Variants in HERC2 observed in about 807,000 individuals in gnomAD.
The protein encoded by HERC2 is HECT and RLD domain containing E3 ubiquitin protein ligase 2, also known as E3 ubiquitin-protein ligase HERC2.
Under a neutral mutation model 537.7 loss-of-function variants are expected in HERC2, and 102 were observed. The ratio of observed to expected loss-of-function variants is 0.19; its 90% CI spans 0.16 to 0.22. The LOEUF (loss-of-function observed/expected upper bound fraction) is 0.22, where lower values mean the gene tolerates loss of function less well. Ranked by LOEUF, HERC2 falls within the 10% of genes least tolerant of loss-of-function variation. The pLI is 1.00. For missense variants in HERC2, 4,236 were observed against 6,198.2 expected (o/e 0.68, Z 10.63); for synonymous variants, 2,224 against 2,466.2 (o/e 0.90, Z 2.91).
intron 79 of HERC2, among the ~76,000 whole-genome samples, chr15:28,133,139 TA>T (rs58617687): frequency 0.034 from 4,649 of 138,660 alleles, 163 homozygotes; most frequent in African/African-American, 0.099. Flanking sequence ...TTAACGGGTT[TA>T]AAAAAAAAAA....
intron 2 of HERC2, among the ~76,000 whole-genome samples, chr15:28,309,481 T>C (rs1008157944): frequency 2.6e-5 from 4 of 152,234 alleles, no homozygotes; most frequent in African/African-American, 7.2e-5. Flanking sequence ...ATAACCACTA[T>C]GCTCTTTTGT....
intron 44 of HERC2, among the ~76,000 whole-genome samples, chr15:28,209,413 G>A (rs1333516983): frequency 2.0e-5 from 3 of 151,514 alleles, no homozygotes; most frequent in Admixed American, 6.6e-5. Flanking sequence ...ACACGATCTC[G>A]CCTCACTGCA....
intron 86 of HERC2, chr15:28,117,967 A>C (rs1888462009): frequency 4.1e-6 from 1 of 241,122 alleles, no homozygotes; most frequent in Admixed American, 5.2e-5. Flanking sequence ...GGTCCTGAGA[A>C]TGTATTTTGA....
intron 30 of HERC2, among the ~76,000 whole-genome samples, chr15:28,232,463 C>G (rs1034879398): frequency 2.0e-5 from 3 of 151,546 alleles, no homozygotes; most frequent in African/African-American, 7.3e-5. Context: ...GCAGGGGAAT[C>G]GTTTGAACCT....
chr15:28,155,375 C>T (rs1305737305), intron 69 of HERC2, among the ~76,000 whole-genome samples: 1 of 152,190 alleles, frequency 6.6e-6, no homozygotes, highest in Non-Finnish European at 1.5e-5. Context: ...AGTTTACACT[C>T]CCACCAACAG....
intron 44 of HERC2, among the ~76,000 whole-genome samples, chr15:28,209,726 T>C (rs375955574): frequency 2.0e-5 from 3 of 152,174 alleles, no homozygotes; most frequent in African/African-American, 7.2e-5. Context: ...AGAAGGGCCT[T>C]AAGCATTAGT....
intron 16 of HERC2, among the ~76,000 whole-genome samples, chr15:28,260,508 C>T (rs184514967): frequency 6.6e-6 from 1 of 152,288 alleles, no homozygotes; most frequent in African/African-American, 2.4e-5. Flanking sequence ...CACTGCAAGT[C>T]CTGGCCAGGG....
chr15:28,197,614 T>C (rs943119447), intron 50 of HERC2, among the ~76,000 whole-genome samples: 2 of 152,130 alleles, frequency 1.3e-5, no homozygotes, highest in African/African-American at 4.8e-5. Context: ...TATCCAGGCA[T>C]GGTGGTGGGC....
chr15:28,140,607 C>A (rs1891121587), intron 78 of HERC2, among the ~76,000 whole-genome samples: 2 of 151,496 alleles, frequency 1.3e-5, no homozygotes, highest in Non-Finnish European at 2.9e-5. Context: ...CTGCAACCTC[C>A]ATCTCCCGGG....
At chr15:28,282,218 A>G (rs987041045) in intron 4 of HERC2, among the ~76,000 whole-genome samples, 1 of 152,188 alleles carries the variant, frequency 6.6e-6, no homozygotes, top group Non-Finnish European at 1.5e-5. Flanking sequence ...GGTCACAGAA[A>G]GATTTAACCA....
rs765769854 is a variant in HERC2, at chr15:28,268,692, T to C, written c.1447-76A>G. 50 of 1,274,284 alleles carry C rather than the reference T, an allele frequency of 3.9e-5. No homozygotes were observed. The highest frequency in any genetic ancestry group is 8.3e-5 in the Admixed American group (4 of 47,970). 78.9% of individuals were successfully genotyped at this position (1,274,284 alleles called of 1,614,324 possible). A position where few individuals can be genotyped will look rare whatever the true frequency, so the allele number is the denominator to read the frequency against. On this transcript the variant is annotated intron_variant, in intron 11 of 92. Coordinates refer to ENST00000261609, the MANE Select transcript of HERC2 (RefSeq NM_004667.6). The surrounding 1 kb of genome is among the most constrained non-coding windows in gnomAD (Gnocchi z 4.7). ...AAACCAGCTCAGCTCTCCGTTATCATGTATCCCCAAGCAAAGCCTGCTGTA... is the reference window on the plus strand; with the variant it reads ...AAACCAGCTCAGCTCTCCGTTATCACGTATCCCCAAGCAAAGCCTGCTGTA...
chr15:28,200,126 G>T (rs1485798326), intron 48 of HERC2, among the ~76,000 whole-genome samples: 2 of 152,168 alleles, frequency 1.3e-5, no homozygotes, highest in Non-Finnish European at 2.9e-5. Context: ...GATGGGCATG[G>T]TGGCTCACGC....
rs960433051 is a variant in HERC2 at position 28,268,241 on chromosome 15, G to A, written c.1598+224C>T. ...GATAGAAGGCTGGCCAAGGCTGCAC[G>A]GGGTCAAGAAGAACAGAAAGGCCAA... On this transcript the variant is annotated intron_variant, in intron 12 of 92. Coordinates refer to ENST00000261609, the MANE Select transcript of HERC2 (RefSeq NM_004667.6). This position sits in a 1 kb window ranked among gnomAD's most constrained non-coding sequence, Gnocchi z 4.7. Among the ~76,000 whole-genome samples the A allele has an allele frequency of 4.6e-5, 7 of 152,238 alleles. No homozygotes were observed. The highest frequency in any genetic ancestry group is 7.2e-5 in the African/African-American group (3 of 41,546).
At chr15:28,288,714 G>T (rs2076228515) in intron 4 of HERC2, among the ~76,000 whole-genome samples, 1 of 151,572 alleles carries the variant, frequency 6.6e-6, no homozygotes, top group Non-Finnish European at 1.5e-5. Flanking sequence ...CAGGCACGGT[G>T]GTGCCTGCCT....
intron 4 of HERC2, among the ~76,000 whole-genome samples, chr15:28,291,452 T>C (rs1220514765): frequency 6.6e-6 from 1 of 152,104 alleles, no homozygotes; most frequent in East Asian, 1.9e-4. Context: ...AAAAAAACCC[T>C]GAATATCCAC....
At chr15:28,181,365 C>T (rs934201746) in intron 57 of HERC2, among the ~76,000 whole-genome samples, 1 of 152,224 alleles carries the variant, frequency 6.6e-6, no homozygotes, top group Non-Finnish European at 1.5e-5. Context: ...ACACTCACAG[C>T]TCACTGCCCA....
In HERC2 at chr15:28,143,115, G is replaced by A. The variant is rs149634318; in HGVS notation, c.11419-163C>T. 3.9e-3 allele frequency among the ~76,000 whole-genome samples: 595 copies of A among 151,738 alleles called. 6 individuals are homozygous for A. The highest frequency in any genetic ancestry group is 0.014 in the African/African-American group (565 of 41,384). On this transcript the variant is annotated intron_variant, in intron 74 of 92. Coordinates refer to ENST00000261609, the MANE Select transcript of HERC2 (RefSeq NM_004667.6). ...TTCTCAAGTAGGAAAAAAGCTAAAA[G>A]AACATAAACACTGAAATAAAAAAGA...
chr15:28,119,106 A>T (rs1888594626), intron 86 of HERC2, among the ~76,000 whole-genome samples: 1 of 152,110 alleles, frequency 6.6e-6, no homozygotes, highest in Non-Finnish European at 1.5e-5. Context: ...TGTCACCACT[A>T]AAAATACAAA....
intron 69 of HERC2, among the ~76,000 whole-genome samples, chr15:28,159,962 C>T (rs1893407028): frequency 6.6e-6 from 1 of 152,240 alleles, no homozygotes; most frequent in South Asian, 2.1e-4. Context: ...TCAGGACCCT[C>T]AGCTGCAGGT....
Sources: allele counts gnomAD v4.1 joint callset (sites outside exome capture counted in the v4.1 genomes callset), GRCh38; gene constraint gnomAD v4.1.1; non-coding constraint Gnocchi (gnomAD v3.1); transcripts MANE v1.5; gene names NCBI Gene and HGNC (gene_info 2026-07-23, HGNC 2026-07-21).